Variants in SMG6 observed in about 807,000 individuals in gnomAD.
SMG6 encodes the protein telomerase-binding protein EST1A.
A neutral mutation model predicts 142.2 loss-of-function variants in SMG6; 66 were observed. The observed-to-expected ratio is 0.46, with a 90% confidence interval of 0.38 to 0.57. The LOEUF is 0.57. SMG6 is among the 20% of genes least tolerant of loss of function. The pLI, the probability that SMG6 is intolerant of heterozygous loss-of-function variation, is 0.00. For synonymous variants in SMG6, 779 were observed against 702.4 expected, an observed-to-expected ratio of 1.11 and a Z score of -1.72; for missense variants, 1,793 against 1,832.0, an observed-to-expected ratio of 0.98 and a Z score of 0.39.
intron 15 of SMG6, chr17:2,072,043 G>C (rs2068116929): frequency 6.6e-6 from 1 of 152,254 alleles, no homozygotes; most frequent in Non-Finnish European, 1.5e-5. Flanking sequence ...AGTGATGTCG[G>C]TGGGGAGAGT....
chr17:2,299,688 A>G lies in SMG6; in HGVS notation c.1065T>C (p.Asp355=), dbSNP rs779626819. Residue 355 remains aspartate (D), a synonymous_variant, in exon 2 of 19, where the codon GAT becomes GAC. Transcript: ENST00000263073. This position sits in a 1 kb window ranked among gnomAD's most constrained non-coding sequence, Gnocchi z 4.3. ...EYRGTLRVTF[D]AEAMNKESPM... ...GAGACTCTTTGTTCATGGCTTCTGCATCGAAAGTGACACGAAGAGTGCCTC... is the reference window on the plus strand; with the variant it reads ...GAGACTCTTTGTTCATGGCTTCTGCGTCGAAAGTGACACGAAGAGTGCCTC... The G allele has an allele frequency of 2.5e-6, 4 of 1,614,172 alleles. No homozygotes were observed. Among genetic ancestry groups the G allele is most frequent in the Non-Finnish European group, 3.4e-6 (4 of 1,180,038 alleles).
intron 13 of SMG6, among the ~76,000 whole-genome samples, chr17:2,169,599 C>G (rs2071442998): frequency 6.6e-6 from 1 of 152,144 alleles, no homozygotes; most frequent in African/African-American, 2.4e-5. Flanking sequence ...TGCAAAGACC[C>G]TGAGGCATGA....
intron 13 of SMG6, among the ~76,000 whole-genome samples, chr17:2,147,101 T>C (rs1467569336): frequency 2.0e-5 from 3 of 152,156 alleles, no homozygotes; most frequent in Non-Finnish European, 2.9e-5. Flanking sequence ...TAGAAAGCTA[T>C]AGGTTATAGG....
intron 10 of SMG6, among the ~76,000 whole-genome samples, chr17:2,231,187 T>C (rs1025894479): frequency 8.5e-5 from 13 of 152,252 alleles, no homozygotes; most frequent in Admixed American, 2.6e-4. Context: ...TCTGAGATTG[T>C]TGTATGCTGG....
intron 8 of SMG6, among the ~76,000 whole-genome samples, chr17:2,252,773 C>CT (rs1555565783): frequency 6.6e-6 from 1 of 152,174 alleles, no homozygotes; most frequent in Non-Finnish European, 1.5e-5. Flanking sequence ...TTTTAAAGGT[C>CT]TCCAGGTCAC....
chr17:2,237,789 T>C (rs1383994512), intron 9 of SMG6, among the ~76,000 whole-genome samples: 2 of 152,206 alleles, frequency 1.3e-5, no homozygotes, highest in Non-Finnish European at 2.9e-5. Context: ...AAACCACAGC[T>C]GAAGTCTTCA....
chr17:2,141,187 A>C (rs1597458489), intron 13 of SMG6, among the ~76,000 whole-genome samples: 1 of 152,240 alleles, frequency 6.6e-6, no homozygotes, highest in South Asian at 2.1e-4. Flanking sequence ...GATGGTGTGG[A>C]AATAGTAACT....
At chr17:2,227,024 T>C (rs966711961) in intron 10 of SMG6, among the ~76,000 whole-genome samples, 3 of 151,944 alleles carry the variant, frequency 2.0e-5, no homozygotes, top group Admixed American at 2.0e-4. Context: ...CAAACCAAAA[T>C]GAAATAGCAC....
intron 8 of SMG6, among the ~76,000 whole-genome samples, chr17:2,245,693 T>C (rs934008670): frequency 6.6e-6 from 1 of 152,144 alleles, no homozygotes; most frequent in African/African-American, 2.4e-5. Context: ...CATGTTTTGT[T>C]GTTTTGAGAC....
chr17:2,172,545 C>T, intron 13 of SMG6, 113 bp downstream of exon 13: 1 of 1,126,494 alleles, frequency 8.9e-7, no homozygotes. Flanking sequence ...CCTTAACACC[C>T]TTCTCAATGA....
intron 10 of SMG6, among the ~76,000 whole-genome samples, chr17:2,235,120 C>G (rs949645205): frequency 3.3e-5 from 5 of 152,208 alleles, no homozygotes; most frequent in African/African-American, 1.2e-4. Flanking sequence ...ACCAGCACAG[C>G]ATTTTACAAA....
At chr17:2,199,532 C>T (rs1018546986) in intron 10 of SMG6, among the ~76,000 whole-genome samples, 1 of 149,742 alleles carries the variant, frequency 6.7e-6, no homozygotes, top group Admixed American at 6.6e-5. Flanking sequence ...CAGACCAAGA[C>T]CCTGTCTCAA....
intron 8 of SMG6, among the ~76,000 whole-genome samples, chr17:2,256,554 G>A (rs2074184880): frequency 6.6e-6 from 1 of 152,068 alleles, no homozygotes; most frequent in Admixed American, 6.5e-5. Context: ...TTGAGCTCAG[G>A]AGTTTGAGAC....
At chr17:2,221,142 C>A (rs1333024992) in intron 10 of SMG6, among the ~76,000 whole-genome samples, 1 of 152,156 alleles carries the variant, frequency 6.6e-6, no homozygotes, top group African/African-American at 2.4e-5. Flanking sequence ...GATATTTACT[C>A]CAGGGTTAAG....
Position 2,225,927 on chromosome 17 carries a change from T to C in SMG6, c.2869+10565A>G, listed in dbSNP as rs1339444974. ...AATGAGAAAGCACCCGGAGAAAATT[T>C]CTGCAAAATATAAATCGGATAAGGG... On this transcript the variant is annotated intron_variant, in intron 10 of 18. Coordinates refer to ENST00000263073, the MANE Select transcript of SMG6 (RefSeq NM_017575.5). Among the ~76,000 whole-genome samples, 3 of 152,090 alleles carry C rather than the reference T, an allele frequency of 2.0e-5. No homozygotes were observed. The East Asian group carries it at 5.8e-4, about 29-fold the overall frequency.
chr17:2,245,115 A>G (rs115170116), intron 8 of SMG6, among the ~76,000 whole-genome samples: 4,279 of 152,266 alleles, frequency 0.028, 187 homozygotes, highest in African/African-American at 0.096. Context: ...CCCTGGTTCT[A>G]TTTGGGTTAT....
At chr17:2,118,861 T>A (rs950956388) in intron 13 of SMG6, among the ~76,000 whole-genome samples, 1 of 151,410 alleles carries the variant, frequency 6.6e-6, no homozygotes, top group Admixed American at 6.6e-5. Flanking sequence ...AGTGTTGAGA[T>A]TATAGGCATG....
intron 8 of SMG6, among the ~76,000 whole-genome samples, chr17:2,272,474 C>T (rs9910849): frequency 0.24 from 37,016 of 152,070 alleles, 4,635 homozygotes; most frequent in Middle Eastern, 0.31. Context: ...TGTGAATTCA[C>T]TTACTTGCTA....
chr17:2,266,618 C>T (rs1349336069), intron 8 of SMG6, among the ~76,000 whole-genome samples: 1 of 152,086 alleles, frequency 6.6e-6, no homozygotes, highest in African/African-American at 2.4e-5. Context: ...TCAGCAGCAC[C>T]CTGGCACTCT....
Sources: gnomAD v4.1 joint callset for allele counts (sites outside exome capture counted in the v4.1 genomes callset) on GRCh38, gnomAD v4.1.1 for gene constraint, Gnocchi (gnomAD v3.1) non-coding constraint, MANE v1.5 for transcripts, NCBI Gene and HGNC (gene_info 2026-07-23, HGNC 2026-07-21) for gene names.